CASK: variants seen among roughly 807,000 people sequenced by gnomAD.
The protein encoded by CASK is calcium/calmodulin dependent serine protein kinase.
In CASK, 4 loss-of-function variants were observed where a neutral mutation model predicts 82.9. The ratio of observed to expected loss-of-function variants is 0.05; its 90% CI spans 0.02 to 0.11. The LOEUF (loss-of-function observed/expected upper bound fraction) is 0.11. Ranked by LOEUF, CASK falls within the 10% of genes least tolerant of loss-of-function variation. CASK has a pLI of 1.00. For missense variants in CASK, 358 were observed against 720.9 expected (o/e 0.50, Z 5.76); for synonymous variants, 259 against 253.5 (o/e 1.02, Z -0.20).
intron 2 of CASK, among the ~76,000 whole-genome samples, chrX:41,819,261 T>C (rs1054933287): frequency 3.6e-5 from 4 of 111,125 alleles, no homozygotes; most frequent in African/African-American, 1.3e-4. Context: ...GTTATCAATA[T>C]CAGCAATGAA....
At chrX:41,676,164 G>C in intron 5 of CASK, 12 of 1,140,926 alleles carry the variant, frequency 1.1e-5, no homozygotes, top group Non-Finnish European at 2.4e-6. Context: ...CTCTCTGCTT[G>C]TGAAGCACTG....
At chrX:41,616,958 G>A (rs989354177) in intron 11 of CASK, among the ~76,000 whole-genome samples, 1 of 112,491 alleles carries the variant, frequency 8.9e-6, no homozygotes, top group African/African-American at 3.2e-5. Flanking sequence ...CTAGGCAAGG[G>A]CTTCAGAGAA....
At chrX:41,574,273 C>T (rs973332457) in intron 15 of CASK, among the ~76,000 whole-genome samples, 5 of 111,015 alleles carry the variant, frequency 4.5e-5, no homozygotes, top group African/African-American at 1.6e-4. Context: ...CCTTAGTTCC[C>T]CTCCCTGTGC....
chrX:41,829,946 T>C (rs1206362796), intron 2 of CASK, among the ~76,000 whole-genome samples: 1 of 103,794 alleles, frequency 9.6e-6, no homozygotes, highest in Non-Finnish European at 2.0e-5. Flanking sequence ...TGATGACTAA[T>C]GGAGTTGTGC....
intron 17 of CASK, among the ~76,000 whole-genome samples, chrX:41,561,071 A>C (rs922991257): frequency 9.0e-6 from 1 of 110,914 alleles, no homozygotes; most frequent in Non-Finnish European, 1.9e-5. Context: ...TTTTTAAAAA[A>C]TCCAAAGCCT....
At chrX:41,861,262 G>A (rs190837066) in intron 1 of CASK, among the ~76,000 whole-genome samples, 91 of 111,452 alleles carry the variant, frequency 8.2e-4, no homozygotes, top group Non-Finnish European at 1.3e-3. Flanking sequence ...GCGTGTGTGC[G>A]TGTGCATGCG....
At chrX:41,692,835 T>C (rs2067598938) in intron 5 of CASK, among the ~76,000 whole-genome samples, 1 of 112,120 alleles carries the variant, frequency 8.9e-6, no homozygotes, top group African/African-American at 3.2e-5. Context: ...GGGTTTTTCG[T>C]TGCCACCACA....
intron 4 of CASK, chrX:41,743,879 G>A (rs1346132132): frequency 7.6e-6 from 2 of 263,621 alleles, no homozygotes; most frequent in Non-Finnish European, 6.7e-6. Flanking sequence ...AGGTTGAGGC[G>A]TGCGGATCAC....
At chrX:41,739,621 T>C (rs1438181521) in intron 4 of CASK, among the ~76,000 whole-genome samples, 165 bp from the exon 5 acceptor site, 2 of 112,398 alleles carry the variant, frequency 1.8e-5, no homozygotes, top group Non-Finnish European at 1.9e-5. Flanking sequence ...AATGAAAATG[T>C]TGGCAGACTC....
chrX:41,532,996 A>AGAT (rs966300862), intron 24 of CASK, among the ~76,000 whole-genome samples: 2 of 111,003 alleles, frequency 1.8e-5, no homozygotes, highest in Non-Finnish European at 3.8e-5. Flanking sequence ...TTTTTAGTAG[A>AGAT]GATGGGGTTT....
intron 2 of CASK, among the ~76,000 whole-genome samples, chrX:41,796,734 C>G (rs190848071): frequency 9.0e-6 from 1 of 111,478 alleles, no homozygotes; most frequent in Non-Finnish European, 1.9e-5. Context: ...CCATCTACCA[C>G]TTCTCCTCTA....
At chrX:41,654,590 T>C (rs945732272) in intron 8 of CASK, among the ~76,000 whole-genome samples, 3 of 111,184 alleles carry the variant, frequency 2.7e-5, no homozygotes, top group African/African-American at 9.8e-5. Flanking sequence ...GGAGAATGGC[T>C]TGAACCTGGG....
intron 1 of CASK, among the ~76,000 whole-genome samples, chrX:41,922,090 A>C (rs2072793063): frequency 9.0e-6 from 1 of 111,649 alleles, no homozygotes; most frequent in African/African-American, 3.3e-5. Flanking sequence ...TGAAAAGGAA[A>C]CTATTCAAAA....
chrX:41,683,329 G>A (rs969992364), intron 5 of CASK: 3 of 111,407 alleles, frequency 2.7e-5, no homozygotes, highest in African/African-American at 9.8e-5. Context: ...CCTCCCGGGA[G>A]ATCATATTGA....
intron 3 of CASK, among the ~76,000 whole-genome samples, chrX:41,749,773 T>C (rs979334015): frequency 1.8e-5 from 2 of 111,573 alleles, no homozygotes; most frequent in Admixed American, 9.6e-5. Flanking sequence ...TGTATTTTGA[T>C]TCAGATGGTA....
chrX:41,649,903 T>C (rs181305601), intron 8 of CASK, among the ~76,000 whole-genome samples: 62 of 111,462 alleles, frequency 5.6e-4, no homozygotes, highest in Non-Finnish European at 1.0e-3. Flanking sequence ...TTTTTAGGTC[T>C]CTAAGGACCT....
chrX:41,780,448 T>A (rs997984003), intron 3 of CASK, among the ~76,000 whole-genome samples: 1 of 111,592 alleles, frequency 9.0e-6, no homozygotes, highest in African/African-American at 3.3e-5. Flanking sequence ...AACTCACATC[T>A]GCAAAAGTGA....
intron 16 of CASK, among the ~76,000 whole-genome samples, chrX:41,563,663 A>G (rs2065265572): frequency 9.0e-6 from 1 of 111,146 alleles, no homozygotes; most frequent in Admixed American, 9.6e-5. Context: ...ACTATGAAGA[A>G]GCTCTCTGCA....
rs1228984530 is a variant in CASK at position 41,733,234 on chromosome X, A to G, written c.429+6150T>C. 8.3e-5 allele frequency among the ~76,000 whole-genome samples: 9 copies of G among 108,350 alleles called. No homozygotes were observed. In the East Asian group the frequency reaches 2.6e-3, roughly 31 times the overall value. 94.1% of individuals were successfully genotyped at this position (108,350 alleles called of 115,157 possible). A position where few individuals can be genotyped will look rare whatever the true frequency, so the allele number is the denominator to read the frequency against. On this transcript the variant is annotated intron_variant, in intron 5 of 26. Transcript: ENST00000378163. ...GGGTCTTACTATGTTGCTCAGGCTG[A>G]GAAACTTAAAACCAAGGAGTTGATT... is the stretch of plus-strand genomic sequence containing the variant.
Sources: gnomAD v4.1 joint callset for allele counts (sites outside exome capture counted in the v4.1 genomes callset) on GRCh38, gnomAD v4.1.1 for gene constraint, MANE v1.5 for transcripts, NCBI Gene and HGNC (gene_info 2026-07-23, HGNC 2026-07-21) for gene names.